The following POLRMT variants were observed in gnomAD, a reference collection of about 807,000 sequenced individuals.
POLRMT encodes DNA-directed RNA polymerase, mitochondrial.
In POLRMT, 114 loss-of-function variants were observed where a neutral mutation model predicts 132.2. The observed-to-expected ratio is 0.86, with a 90% CI of 0.74 to 1.01. The LOEUF (loss-of-function observed/expected upper bound fraction) is 1.01. POLRMT is among the 50% of genes least tolerant of loss of function. The pLI is 0.00. For missense variants in POLRMT, 2,003 were observed against 1,729.1 expected, an observed-to-expected ratio of 1.16 and a Z score of -2.81; for synonymous variants, 1,020 against 773.4, an observed-to-expected ratio of 1.32 and a Z score of -5.29.
Position 622,895 on chromosome 19 carries a change from ACACCT to A in POLRMT, c.1376_1380del (p.Glu459ValfsTer35). 1 of 1,612,084 alleles carries A rather than the reference ACACCT, an allele frequency of 6.2e-7. No homozygotes were observed. Among genetic ancestry groups the A allele is most frequent in the Non-Finnish European group, 8.5e-7 (1 of 1,179,622 alleles). On this transcript the variant is annotated frameshift_variant, in exon 7 of 21. Coordinates refer to ENST00000588649, the MANE Select transcript of POLRMT (RefSeq NM_005035.4). LOFTEE classifies it high-confidence loss of function. The stretch of plus-strand genomic sequence containing the variant: ...GGGTAAAGTGAGAACCGGCCCTCGT[ACACCT>A]CGCGCTCTAGGCGGTTCTTGGTCTC...
chr19:621,354 G>A lies in POLRMT; in HGVS notation c.2344C>T (p.Arg782Cys), dbSNP rs1382387836. 7 of 1,578,108 alleles carry A rather than the reference G, an allele frequency of 4.4e-6. No homozygotes were observed. Among genetic ancestry groups the A allele is most frequent in the Non-Finnish European group, 6.0e-6 (7 of 1,170,304 alleles). Reference sequence around the variant, plus strand: ...CGCAGGTGCTGCGCCAGCGAGAGGCGGTACAGCGCCTCCGCCCGCAGGCTG... The same window carrying A: ...CGCAGGTGCTGCGCCAGCGAGAGGCAGTACAGCGCCTCCGCCCGCAGGCTG... Reference protein sequence around the residue: ...MHSLRAEALYRLSLAQHLRDR... With the variant: ...MHSLRAEALYCLSLAQHLRDR... Residue 782 changes from arginine (R) to cysteine (C), a missense_variant, in exon 10 of 21, where the codon CGC becomes TGC. Transcript: ENST00000588649.
chr19:625,047 A>G, intron 4 of POLRMT, 77 bp downstream of exon 4: 2 of 1,532,922 alleles, frequency 1.3e-6, no homozygotes, highest in South Asian at 2.5e-5. Context: ...CCCAGCCCCC[A>G]GCCCAGGCAC....
At position 622,594 on chromosome 19, in the gene POLRMT, GGCCA is replaced by G; in HGVS notation, c.1610_1613del (p.Leu537ProfsTer84). The G allele has an allele frequency of 6.2e-7, 1 of 1,602,912 alleles. No individual in the cohort carries two copies. The highest frequency in any genetic ancestry group is 8.5e-7 in the Non-Finnish European group (1 of 1,175,096). On this transcript the variant is annotated frameshift_variant, in exon 8 of 21. Transcript: ENST00000588649. LOFTEE classifies it high-confidence loss of function. ...GTGCGAGCCTCACCTCGGCGTCGGAGGCCAGCAAGCAGAGGTACTTCCTGTAGTG... is the reference window on the plus strand; with the variant it reads ...GTGCGAGCCTCACCTCGGCGTCGGAGGCAAGCAGAGGTACTTCCTGTAGTG...
chr19:630,327 C>G (rs551953750), intron 2 of POLRMT, among the ~76,000 whole-genome samples, 159 bp from the exon 3 acceptor site: 250 of 152,264 alleles, frequency 1.6e-3, no homozygotes, highest in African/African-American at 5.8e-3. Context: ...GTAAGGTCTG[C>G]CCGCTGCTTT....
At position 620,425 on chromosome 19, in the gene POLRMT, C is replaced by T. The variant is rs776701858; in HGVS notation, c.2703G>A (p.Val901=). 3 of 1,596,578 alleles carry T rather than the reference C, an allele frequency of 1.9e-6. No individual in the cohort carries two copies. Among genetic ancestry groups the T allele is most frequent in the South Asian group, 1.1e-5 (1 of 88,378 alleles). Reference sequence around the variant, plus strand: ...GGTCGGAGGCGCGCACAGCGTTCGCCACCTCCATACAGCAGGCCAGCGTCT... The same window carrying T: ...GGTCGGAGGCGCGCACAGCGTTCGCTACCTCCATACAGCAGGCCAGCGTCT... The part of the protein sequence containing the change: ...PWQTLACCME[V]ANAVRASDPA... Residue 901 remains valine (V), a synonymous_variant, in exon 11 of 21, where the codon GTG becomes GTA. Transcript: ENST00000588649.
At chr19:623,116 C>T (rs1204048507) in intron 6 of POLRMT, 131 bp from the exon 7 acceptor site, 16 of 1,202,892 alleles carry the variant, frequency 1.3e-5, no homozygotes, top group Admixed American at 2.7e-5. Flanking sequence ...TTCCGGGTAG[C>T]TCCTCACCCC....
chr19:629,765 A>C lies in POLRMT; in HGVS notation c.597T>G (p.Pro199=). ...GCTCCACATCGAGGCTCAGCTTCCCAGGGGCCTCCTGCAGCAGCCGGGCCA... is the reference window on the plus strand; with the variant it reads ...GCTCCACATCGAGGCTCAGCTTCCCCGGGGCCTCCTGCAGCAGCCGGGCCA... ...EQLARLLQEA[P]GKLSLDVEQA... is the part of the protein sequence containing the mutation. The change falls in exon 3 of 21, where the codon CCT becomes CCG. Residue 199 remains proline (P), a synonymous_variant. Transcript: ENST00000588649. The C allele has an allele frequency of 1.3e-6, 2 of 1,569,394 alleles. No individual in the cohort carries two copies. The highest frequency in any genetic ancestry group is 2.7e-5 in the African/African-American group (2 of 73,318).
intron 3 of POLRMT, 40 bp downstream of exon 3, chr19:629,500 A>G (rs776121034): frequency 6.8e-6 from 10 of 1,465,794 alleles, no homozygotes. Flanking sequence ...TCCTGTCTCC[A>G]ACGACCAGGG....
At chr19:631,264 G>A (rs539469157) in intron 2 of POLRMT, among the ~76,000 whole-genome samples, 2 of 151,280 alleles carry the variant, frequency 1.3e-5, no homozygotes, top group African/African-American at 4.8e-5. Context: ...GGAGTTCCTG[G>A]CTGCTGTGAG....
chr19:619,368 G>C, intron 13 of POLRMT, 72 bp from the exon 14 acceptor site: 3 of 1,523,456 alleles, frequency 2.0e-6, no homozygotes, highest in Non-Finnish European at 2.7e-6. Flanking sequence ...CCCTATTTCA[G>C]AGCCACTGAG....
rs61445715 is a variant in POLRMT at position 620,120 on chromosome 19, G to C, written c.2764-40C>G. 1.7e-3 allele frequency: 2,672 copies of C among 1,532,388 alleles called. 47 individuals are homozygous for C. The African/African-American group carries it at 0.033, about 19-fold the overall frequency. 94.9% of individuals were successfully genotyped at this position (1,532,388 alleles called of 1,614,324 possible). A position where few individuals can be genotyped will look rare whatever the true frequency, so the allele number is the denominator to read the frequency against. Reference sequence around the variant, plus strand: ...GCAAACGGGAGATGGAAGCTAGAGAGGCAGAGACGTGTGGGACCCCAAACC... The same window carrying C: ...GCAAACGGGAGATGGAAGCTAGAGACGCAGAGACGTGTGGGACCCCAAACC... On this transcript the variant is annotated intron_variant, in intron 11 of 20. Coordinates refer to ENST00000588649, the MANE Select transcript of POLRMT (RefSeq NM_005035.4).
chr19:617,538 A>G (rs759598352), intron 19 of POLRMT, 32 bp downstream of exon 19: 3 of 1,608,868 alleles, frequency 1.9e-6, no homozygotes, highest in East Asian at 2.2e-5. Context: ...TGGGGGGGGA[A>G]TCCAGGTAGT....
chr19:618,969 C>A (rs1984260035), intron 15 of POLRMT, 28 bp downstream of exon 15: 2 of 1,518,492 alleles, frequency 1.3e-6, no homozygotes, highest in Non-Finnish European at 1.8e-6. Flanking sequence ...TGGTGGCACA[C>A]TGGGGAGGGA....
At chr19:622,524 G>A (rs1057283976) in intron 8 of POLRMT, 58 bp downstream of exon 8, 30 of 1,524,380 alleles carry the variant, frequency 2.0e-5, no homozygotes, top group Middle Eastern at 4.8e-4. Flanking sequence ...GCTCCAGGGA[G>A]GGAGAGCGCC....
At chr19:620,917 ACGG>A in intron 10 of POLRMT, 138 bp downstream of exon 10, 1 of 90,162 alleles carries the variant, frequency 1.1e-5, no homozygotes. Context: ...GAGGAGGAAG[ACGG>A]GCAGGGGGCG....
In POLRMT at chr19:623,000, C is replaced by T. The variant is rs112298120; in HGVS notation, c.1291-15G>A. The T allele has an allele frequency of 5.0e-6, 8 of 1,610,228 alleles. No individual in the cohort carries two copies. The highest frequency in any genetic ancestry group is 6.8e-6 in the Non-Finnish European group (8 of 1,178,676). ...AGGGTCTTCCGCTGCGGGGGATGAACGGGCCCGGTGAGCCCCGTGGCAGCT... is the reference window on the plus strand; with the variant it reads ...AGGGTCTTCCGCTGCGGGGGATGAATGGGCCCGGTGAGCCCCGTGGCAGCT... On this transcript the variant is annotated splice_polypyrimidine_tract_variant and intron_variant, in intron 6 of 20. Coordinates refer to ENST00000588649, the MANE Select transcript of POLRMT (RefSeq NM_005035.4).
intron 3 of POLRMT, among the ~76,000 whole-genome samples, chr19:628,487 T>C (rs1045069671): frequency 6.6e-6 from 1 of 152,240 alleles, no homozygotes; most frequent in Non-Finnish European, 1.5e-5. Flanking sequence ...GTTTGATGCG[T>C]TAATAAAGAA....
At chr19:619,890 G>C in intron 12 of POLRMT, 68 bp downstream of exon 12, 1 of 1,591,544 alleles carries the variant, frequency 6.3e-7, no homozygotes, top group South Asian at 1.1e-5. Context: ...GAGGGCACCT[G>C]GGGCCGAGAC....
At chr19:631,215 C>A (rs1985389516) in intron 2 of POLRMT, among the ~76,000 whole-genome samples, 1 of 151,816 alleles carries the variant, frequency 6.6e-6, no homozygotes, top group African/African-American at 2.4e-5. Context: ...GTGGTCCCAG[C>A]TACTCCGGTG....
Sources: gnomAD v4.1 joint callset for allele counts (sites outside exome capture counted in the v4.1 genomes callset) on GRCh38, gnomAD v4.1.1 for gene constraint, MANE v1.5 for transcripts, NCBI Gene and HGNC (gene_info 2026-07-23, HGNC 2026-07-21) for gene names.